TJP3: variants seen among roughly 807,000 people sequenced by gnomAD.
TJP3 encodes tight junction protein 3, also known as tight junction protein ZO-3.
In TJP3, 85 loss-of-function variants were observed where a neutral mutation model predicts 104.2. That is an observed-to-expected ratio of 0.82 (90% CI 0.68 to 0.98). The LOEUF is 0.98. Among genes scored for constraint, TJP3 ranks in the 50% least tolerant of loss-of-function variants. The pLI is 0.00. For missense variants in TJP3, 1,367 were observed against 1,322.8 expected, an observed-to-expected ratio of 1.03 and a Z score of -0.52; for synonymous variants, 550 against 550.6, an observed-to-expected ratio of 1.00 and a Z score of 0.02.
At chr19:3,718,231 G>GTC in intron 1 of TJP3, among the ~76,000 whole-genome samples, 1 of 118,078 alleles carries the variant, frequency 8.5e-6, no homozygotes, top group East Asian at 2.2e-4. Context: ...GTGTGTGTGT[G>GTC]TGTGTGTGTG....
chr19:3,739,037 C>T lies in TJP3; in HGVS notation c.1534C>T (p.Pro512Ser). 6.2e-7 allele frequency: 1 copy of T among 1,611,736 alleles called. No individual in the cohort carries two copies. Among genetic ancestry groups the T allele is most frequent in the Non-Finnish European group, 8.5e-7 (1 of 1,179,100 alleles). ...FHVLDTLHPG[P>S]GQSHARGGHW... The stretch of plus-strand genomic sequence containing the variant: ...CGTGCTGGACACGCTGCACCCCGGC[C>T]CCGGGCAGAGCCACGCACGAGGAGG... The change falls in exon 13 of 21, where the codon CCC becomes TCC. Residue 512 changes from proline to serine, a missense_variant. Coordinates refer to ENST00000541714, the MANE Select transcript of TJP3 (RefSeq NM_001267560.2).
chr19:3,750,536 C>A, intron 20 of TJP3, 46 bp from the exon 21 acceptor site: 1 of 1,495,006 alleles, frequency 6.7e-7, no homozygotes, highest in South Asian at 1.2e-5. Context: ...TGAGAAAGCT[C>A]ACACCCTTCC....
At position 3,730,406 on chromosome 19, in the gene TJP3, TCCAGCCCAGG is replaced by T. The variant is rs1486374091; in HGVS notation, c.314_323del (p.Ser105CysfsTer83). 3 of 1,579,870 alleles carry T rather than the reference TCCAGCCCAGG, an allele frequency of 1.9e-6. No homozygotes were observed. The African/African-American group carries it at 4.1e-5, about 21-fold the overall frequency. The stretch of plus-strand genomic sequence containing the variant: ...CCTGCCCGCCACCAAAGCCAGCCCC[TCCAGCCCAGG>T]GCGCCAGGACTCGGATGAAGACGAT... On this transcript the variant is annotated frameshift_variant, in exon 5 of 21. Transcript: ENST00000541714. LOFTEE classifies it high-confidence loss of function. This position sits in a 1 kb window ranked among gnomAD's most constrained non-coding sequence, Gnocchi z 7.3.
At chr19:3,734,578 C>T (rs2036715162) in intron 8 of TJP3, 143 bp downstream of exon 8, 2 of 732,734 alleles carry the variant, frequency 2.7e-6, no homozygotes, top group Admixed American at 6.2e-5. Context: ...AAAATACCTC[C>T]AGCCTCTACC....
chr19:3,740,324 C>T (rs1209228454), intron 13 of TJP3, among the ~76,000 whole-genome samples: 1 of 152,106 alleles, frequency 6.6e-6, no homozygotes, highest in Admixed American at 6.6e-5. Flanking sequence ...AGGAGAATCG[C>T]CTGAACCCAG....
chr19:3,741,155 C>A (rs1213793490), intron 14 of TJP3, among the ~76,000 whole-genome samples: 1 of 151,878 alleles, frequency 6.6e-6, no homozygotes, highest in Non-Finnish European at 1.5e-5. Flanking sequence ...CGCCCATCAC[C>A]CCGCCCCCAG....
intron 1 of TJP3, among the ~76,000 whole-genome samples, chr19:3,723,724 C>T (rs576808139): frequency 1.1e-4 from 17 of 148,716 alleles, no homozygotes; most frequent in Admixed American, 2.7e-4. Context: ...ACCCAGGAGG[C>T]GGAGGTTGCA....
At position 3,747,736 on chromosome 19, in the gene TJP3, T is replaced by C. The variant is rs922775375; in HGVS notation, c.2323-58T>C. 6 of 1,467,830 alleles carry C rather than the reference T, an allele frequency of 4.1e-6. No homozygotes were observed. In the African/African-American group the frequency reaches 5.6e-5, roughly 14 times the overall value. The allele number at this position is 1,467,830 out of a possible 1,614,324, so 90.9% of individuals were successfully genotyped here. A position where few individuals can be genotyped will look rare whatever the true frequency, so the allele number is the denominator to read the frequency against. ...AGAGTTTGAAGGTGGGGGGATGTCG[T>C]GGGTGGCAGCTGGGGTCCTGGCCAG... On this transcript the variant is annotated intron_variant, in intron 18 of 20. Coordinates refer to ENST00000541714, the MANE Select transcript of TJP3 (RefSeq NM_001267560.2).
At position 3,736,215 on chromosome 19, in the gene TJP3, G is replaced by A. The variant is rs1295477248; in HGVS notation, c.1178G>A (p.Gly393Glu). Residue 393 changes from glycine to glutamate, a missense_variant, in exon 11 of 21, where the codon GGG becomes GAG. Gly to Glu is a moderately conservative substitution (Grantham distance 98). Coordinates refer to ENST00000541714, the MANE Select transcript of TJP3 (RefSeq NM_001267560.2). ...CGCTTCCTCAAGGGCAAGAGCATCGGGCTGCGGCTGGCAGGGGGCAATGAC... is the reference window on the plus strand; with the variant it reads ...CGCTTCCTCAAGGGCAAGAGCATCGAGCTGCGGCTGGCAGGGGGCAATGAC... ...VVRFLKGKSIGLRLAGGNDVG... is the reference protein window; with the variant it reads ...VVRFLKGKSIELRLAGGNDVG... 4 of 1,596,174 alleles carry A rather than the reference G, an allele frequency of 2.5e-6. No homozygotes were observed. In the South Asian group the frequency reaches 3.4e-5, roughly 13 times the overall value.
chr19:3,730,525 G>T lies in TJP3; in HGVS notation c.432G>T (p.Glu144Asp). 1.9e-6 allele frequency: 3 copies of T among 1,594,238 alleles called. No individual in the cohort carries two copies. Among genetic ancestry groups the T allele is most frequent in the Non-Finnish European group, 2.6e-6 (3 of 1,172,924 alleles). Residue 144 changes from glutamate (E) to aspartate (D), a missense_variant, in exon 5 of 21, where the codon GAG (glutamate) becomes GAT (aspartate). Physicochemically the swap from Glu to Asp is conservative, Grantham distance 45. Transcript: ENST00000541714. This position sits in a 1 kb window ranked among gnomAD's most constrained non-coding sequence, Gnocchi z 7.3. ...SSSGSGRSWD[E>D]RSRRPRPGRR... is the part of the protein sequence containing the mutation. ...GTGGCTCCGGCCGCTCCTGGGACGAGCGCTCCCGCCGGCCGAGGCCTGGTC... is the reference window on the plus strand; with the variant it reads ...GTGGCTCCGGCCGCTCCTGGGACGATCGCTCCCGCCGGCCGAGGCCTGGTC...
At chr19:3,738,457 C>A (rs2036766843) in intron 11 of TJP3, 98 bp from the exon 12 acceptor site, 2 of 1,047,304 alleles carry the variant, frequency 1.9e-6, no homozygotes, top group Admixed American at 2.0e-5. Flanking sequence ...GCTCTGGAAG[C>A]AGCTGGGGCT....
chr19:3,731,681 T>C (rs897382944), intron 5 of TJP3, among the ~76,000 whole-genome samples: 3 of 152,020 alleles, frequency 2.0e-5, no homozygotes, highest in African/African-American at 7.3e-5. Context: ...ATGATGATGT[T>C]ATGAGCAATA....
chr19:3,746,367 C>A lies in TJP3; in HGVS notation c.2011-118C>A. ...CCACCCCCATCCCCAACTTGCTAGC[C>A]TGTGGATGTGAGAGGCTGGGGTCCA... On this transcript the variant is annotated intron_variant, in intron 16 of 20. Coordinates refer to ENST00000541714, the MANE Select transcript of TJP3 (RefSeq NM_001267560.2). This position sits in a 1 kb window ranked among gnomAD's most constrained non-coding sequence, Gnocchi z 4.1. 1 of 1,153,046 alleles carries A rather than the reference C, an allele frequency of 8.7e-7. No homozygotes were observed. Among genetic ancestry groups the A allele is most frequent in the Non-Finnish European group, 1.2e-6 (1 of 809,472 alleles). The allele number at this position is 1,153,046 out of a possible 1,614,324, so 71.4% of individuals were successfully genotyped here.
At chr19:3,744,569 CAGG>C (rs1385094116) in intron 15 of TJP3, among the ~76,000 whole-genome samples, 1 of 151,564 alleles carries the variant, frequency 6.6e-6, no homozygotes, top group African/African-American at 2.4e-5. Context: ...GAGGCTGAGG[CAGG>C]AGAATTGCTT....
chr19:3,718,160 T>G (rs1162850934), intron 1 of TJP3, among the ~76,000 whole-genome samples: 1 of 134,568 alleles, frequency 7.4e-6, no homozygotes, highest in Non-Finnish European at 1.5e-5. Flanking sequence ...GAGCTGAGAT[T>G]GCGCCTGGGC....
intron 1 of TJP3, among the ~76,000 whole-genome samples, chr19:3,708,768 C>T (rs1027411521): frequency 1.3e-5 from 2 of 152,150 alleles, no homozygotes; most frequent in Non-Finnish European, 2.9e-5. Flanking sequence ...CTGCACCTGG[C>T]GGCCTGCCCA....
chr19:3,745,451 C>T (rs527566662), intron 15 of TJP3, among the ~76,000 whole-genome samples: 3 of 152,256 alleles, frequency 2.0e-5, no homozygotes, highest in Non-Finnish European at 2.9e-5. Flanking sequence ...GCCAATTTTA[C>T]GTTTTTAACC....
chr19:3,726,593 G>GTT lies in TJP3; in HGVS notation c.-9-1820_-9-1819dup, dbSNP rs113808998. 1.4e-3 allele frequency among the ~76,000 whole-genome samples: 207 copies of GTT among 145,066 alleles called. 7 individuals carry two copies. The South Asian group carries it at 0.037, about 26-fold the overall frequency. On this transcript the variant is annotated intron_variant, in intron 1 of 20. Transcript: ENST00000541714. ...CAGCCTCAGCAACAGAGTTTTTTTT[G>GTT]TTTTTTTTTTTTCTAAGTGGGAAAG...
intron 1 of TJP3, among the ~76,000 whole-genome samples, chr19:3,710,671 G>T (rs1160117485): frequency 1.3e-5 from 2 of 152,158 alleles, no homozygotes; most frequent in African/African-American, 2.4e-5. Context: ...GCCTAGGCTG[G>T]GGGGAGGGGT....
Sources: gnomAD v4.1 joint callset for allele counts (sites outside exome capture counted in the v4.1 genomes callset) on GRCh38, gnomAD v4.1.1 for gene constraint, Gnocchi (gnomAD v3.1) non-coding constraint, MANE v1.5 for transcripts, NCBI Gene and HGNC (gene_info 2026-07-23, HGNC 2026-07-21) for gene names.